The following ZMPSTE24 variants were observed in gnomAD, a reference collection of about 807,000 sequenced individuals.
ZMPSTE24 encodes the protein zinc metallopeptidase STE24.
Under a neutral mutation model 56.7 loss-of-function variants are expected in ZMPSTE24, and 48 were observed. The ratio of observed to expected loss-of-function variants is 0.85; its 90% CI spans 0.67 to 1.08. The LOEUF is 1.08. ZMPSTE24 is among the 50% of genes least tolerant of loss of function. The probability of loss-of-function intolerance (pLI) is 0.00; values close to 1 mark genes in which losing one functional copy is unlikely to be tolerated. For synonymous variants in ZMPSTE24, 172 were observed against 195.2 expected (o/e 0.88, Z 0.99); for missense variants, 503 against 548.7 (o/e 0.92, Z 0.83).
intron 8 of ZMPSTE24, among the ~76,000 whole-genome samples, chr1:40,288,527 A>G (rs1643808722): frequency 1.3e-5 from 2 of 152,116 alleles, no homozygotes; most frequent in African/African-American, 4.8e-5. Flanking sequence ...GCCAGTGAGG[A>G]GGGTATCTGT....
At chr1:40,281,801 T>TTG (rs1384186934) in intron 7 of ZMPSTE24, among the ~76,000 whole-genome samples, 2 of 152,162 alleles carry the variant, frequency 1.3e-5, no homozygotes, top group East Asian at 1.9e-4. Flanking sequence ...AAACAGGAAC[T>TTG]TGTGTGTATA....
At chr1:40,264,640 CT>C (rs1643531676) in intron 2 of ZMPSTE24, among the ~76,000 whole-genome samples, 1 of 151,856 alleles carries the variant, frequency 6.6e-6, no homozygotes, top group Admixed American at 6.6e-5. Context: ...CTTCGAGAGG[CT>C]CAGGTGGGAG....
chr1:40,284,482 C>T (rs1007730910), intron 7 of ZMPSTE24, among the ~76,000 whole-genome samples: 19 of 151,962 alleles, frequency 1.3e-4, no homozygotes, highest in Non-Finnish European at 2.7e-4. Flanking sequence ...CCCCACACAG[C>T]GGCTCATGCC....
chr1:40,259,109 G>T (rs1643469492), intron 1 of ZMPSTE24, among the ~76,000 whole-genome samples: 1 of 152,136 alleles, frequency 6.6e-6, no homozygotes, highest in African/African-American at 2.4e-5. Flanking sequence ...AGTGAGCTGA[G>T]ATTGTGCCAC....
intron 8 of ZMPSTE24, among the ~76,000 whole-genome samples, chr1:40,288,570 T>C (rs1643809052): frequency 6.6e-6 from 1 of 152,202 alleles, no homozygotes; most frequent in South Asian, 2.1e-4. Context: ...TCTTTGTCGC[T>C]GTGGCCACTC....
intron 6 of ZMPSTE24, among the ~76,000 whole-genome samples, chr1:40,277,230 C>A (rs1569642930): frequency 6.6e-6 from 1 of 151,994 alleles, no homozygotes. Context: ...GGACTACAGG[C>A]GCCCGCCAGC....
At chr1:40,284,877 T>A (rs1643768867) in intron 7 of ZMPSTE24, among the ~76,000 whole-genome samples, 1 of 151,868 alleles carries the variant, frequency 6.6e-6, no homozygotes, top group Non-Finnish European at 1.5e-5. Flanking sequence ...ATTTTTAGTT[T>A]GTGTCTTACT....
At chr1:40,261,860 C>T (rs954745046) in intron 2 of ZMPSTE24, among the ~76,000 whole-genome samples, 4 of 152,140 alleles carry the variant, frequency 2.6e-5, no homozygotes, top group African/African-American at 9.7e-5. Flanking sequence ...CAGGCGCGTG[C>T]CACCACACCT....
intron 1 of ZMPSTE24, 39 bp from the exon 2 acceptor site, chr1:40,260,800 C>A: frequency 6.3e-7 from 1 of 1,594,752 alleles, no homozygotes; most frequent in Non-Finnish European, 8.6e-7. Context: ...TTGTAATAAA[C>A]AACTATTTCA....
chr1:40,270,188 C>T (rs1184128909), intron 5 of ZMPSTE24, 61 bp downstream of exon 5: 2 of 1,561,736 alleles, frequency 1.3e-6, no homozygotes, highest in African/African-American at 2.7e-5. Flanking sequence ...TTACTGTAAT[C>T]TTCATTGGCA....
intron 8 of ZMPSTE24, 75 bp from the exon 9 acceptor site, chr1:40,290,779 A>G (rs1309221303): frequency 3.2e-6 from 5 of 1,572,648 alleles, no homozygotes; most frequent in Admixed American, 1.7e-5. Context: ...GATTTCTTAT[A>G]CTTTATGGAT....
At chr1:40,279,861 A>G (rs1441686058) in intron 6 of ZMPSTE24, among the ~76,000 whole-genome samples, 1 of 152,136 alleles carries the variant, frequency 6.6e-6, no homozygotes. Flanking sequence ...GCAGACCACC[A>G]AACAGTGACC....
chr1:40,277,608 C>G (rs1193128042), intron 6 of ZMPSTE24, among the ~76,000 whole-genome samples: 1 of 152,104 alleles, frequency 6.6e-6, no homozygotes, highest in African/African-American at 2.4e-5. Context: ...TGTGTGCATA[C>G]AATCTGCTTA....
At chr1:40,289,647 A>C (rs953710790) in intron 8 of ZMPSTE24, among the ~76,000 whole-genome samples, 2 of 152,166 alleles carry the variant, frequency 1.3e-5, no homozygotes, top group East Asian at 1.9e-4. Flanking sequence ...AATAAGGTAC[A>C]TGTGGCCTCC....
chr1:40,285,573 G>A lies in ZMPSTE24; in HGVS notation c.955-352G>A, dbSNP rs545858715. Among the ~76,000 whole-genome samples, 5 of 152,250 alleles carry A rather than the reference G, an allele frequency of 3.3e-5. No homozygotes were observed. In the South Asian group the frequency reaches 6.2e-4, roughly 19 times the overall value. On this transcript the variant is annotated intron_variant, in intron 7 of 9. Coordinates refer to ENST00000372759, the MANE Select transcript of ZMPSTE24 (RefSeq NM_005857.5). ...TGAAAACAAAATTTCTAATGATTTT[G>A]TAATATAATGTGACTGTCATATAAC...
chr1:40,292,311 A>G, intron 9 of ZMPSTE24, 134 bp from the exon 10 acceptor site: 1 of 819,056 alleles, frequency 1.2e-6, no homozygotes, highest in Non-Finnish European at 2.0e-6. Context: ...GGTCCCCTAA[A>G]TATTAGTGAT....
At position 40,262,836 on chromosome 1, in the gene ZMPSTE24, C is replaced by T; in HGVS notation, c.270+1851C>T. ...CATTTCCCCTTCTGTTTCACCAGTTCCAGAGAATTGTTGAACAACTTAACA... is the reference window on the plus strand; with the variant it reads ...CATTTCCCCTTCTGTTTCACCAGTTTCAGAGAATTGTTGAACAACTTAACA... On this transcript the variant is annotated intron_variant, in intron 2 of 9. Transcript: ENST00000372759. The T allele has an allele frequency of 2.6e-6, 3 of 1,166,460 alleles. No homozygotes were observed. In the South Asian group the frequency reaches 5.1e-5, roughly 20 times the overall value. The allele number at this position is 1,166,460 out of a possible 1,614,324, so 72.3% of individuals were successfully genotyped here. A position where few individuals can be genotyped will look rare whatever the true frequency, so the allele number is the denominator to read the frequency against.
intron 2 of ZMPSTE24, 86 bp downstream of exon 2, chr1:40,261,071 A>T: frequency 6.6e-7 from 1 of 1,516,420 alleles, no homozygotes; most frequent in South Asian, 1.1e-5. Flanking sequence ...TACCACACTT[A>T]CAAGTCCCAG....
Position 40,267,780 on chromosome 1 carries a change from T to TTA in ZMPSTE24, c.271-3_271-2dup, listed in dbSNP as rs1345654017. 1.2e-6 allele frequency: 2 copies of TTA among 1,604,126 alleles called. No homozygotes were observed. The highest frequency in any genetic ancestry group is 2.7e-5 in the African/African-American group (2 of 74,840). ...AACTGTGATCAAAGTATGCTTTGTT[T>TTA]TATAGCTTATTCTTCTCTTTGGAGG... On this transcript the variant is annotated splice_polypyrimidine_tract_variant and splice_region_variant and intron_variant, in intron 2 of 9. Coordinates refer to ENST00000372759, the MANE Select transcript of ZMPSTE24 (RefSeq NM_005857.5).
Sources: allele counts gnomAD v4.1 joint callset (sites outside exome capture counted in the v4.1 genomes callset), GRCh38; gene constraint gnomAD v4.1.1; transcripts MANE v1.5; gene names NCBI Gene and HGNC (gene_info 2026-07-23, HGNC 2026-07-21).